Variants in RALGPS2 observed in about 807,000 individuals in gnomAD.
RALGPS2 encodes ras-specific guanine nucleotide-releasing factor RalGPS2.
Under a neutral mutation model 86.8 loss-of-function variants are expected in RALGPS2, and 43 were observed. The observed-to-expected ratio is 0.50, with a 90% confidence interval of 0.39 to 0.64. The LOEUF (loss-of-function observed/expected upper bound fraction) is 0.64, where lower values mean the gene tolerates loss of function less well. RALGPS2 is among the 30% of genes least tolerant of loss of function. The pLI is 0.00. For synonymous variants in RALGPS2, 243 were observed against 231.3 expected, an observed-to-expected ratio of 1.05 and a Z score of -0.46; for missense variants, 536 against 694.6, an observed-to-expected ratio of 0.77 and a Z score of 2.57.
At chr1:178,894,834 T>TA (rs1659871110) in intron 16 of RALGPS2, among the ~76,000 whole-genome samples, 1 of 152,032 alleles carries the variant, frequency 6.6e-6, no homozygotes, top group Admixed American at 6.6e-5. Flanking sequence ...TACTTTTTTT[T>TA]ACCCCCATTA....
At chr1:178,847,567 C>G (rs1656925963) in intron 8 of RALGPS2, among the ~76,000 whole-genome samples, 1 of 152,068 alleles carries the variant, frequency 6.6e-6, no homozygotes, top group African/African-American at 2.4e-5. Flanking sequence ...TTTTCACAGA[C>G]ACTAGAATAA....
intron 13 of RALGPS2, 118 bp from the exon 14 acceptor site, chr1:178,889,524 C>A (rs1659630741): frequency 1.4e-6 from 1 of 734,748 alleles, no homozygotes; most frequent in Non-Finnish European, 2.4e-6. Context: ...TGGATATGTT[C>A]ATCTACAATG....
intron 19 of RALGPS2, among the ~76,000 whole-genome samples, chr1:178,913,700 GTTGGGTATAGTCAA>G (rs1271268617): frequency 1.3e-5 from 2 of 152,310 alleles, no homozygotes; most frequent in Non-Finnish European, 2.9e-5. Flanking sequence ...TGTGGTATAA[GTTGGGTATAGTCAA>G]TTGGCTTCCT....
chr1:178,904,672 C>T (rs1171775067), intron 18 of RALGPS2, among the ~76,000 whole-genome samples: 2 of 151,906 alleles, frequency 1.3e-5, no homozygotes, highest in Non-Finnish European at 2.9e-5. Context: ...TTTGGGTTTA[C>T]TTCAGAGTTC....
intron 17 of RALGPS2, among the ~76,000 whole-genome samples, chr1:178,898,308 C>G (rs1660029634): frequency 6.6e-6 from 1 of 151,842 alleles, no homozygotes; most frequent in Non-Finnish European, 1.5e-5. Context: ...TTAATAAAAT[C>G]TGAGAGGAAT....
chr1:178,904,201 G>A (rs1235103616), intron 18 of RALGPS2, among the ~76,000 whole-genome samples: 3 of 151,650 alleles, frequency 2.0e-5, no homozygotes, highest in African/African-American at 7.3e-5. Flanking sequence ...GATGGGATTG[G>A]TTTTTTTCTT....
chr1:178,810,788 T>C (rs1216786436), intron 5 of RALGPS2, among the ~76,000 whole-genome samples: 1 of 152,090 alleles, frequency 6.6e-6, no homozygotes, highest in Admixed American at 6.6e-5. Flanking sequence ...TGTTGCACAA[T>C]AATTTTGAAC....
chr1:178,909,643 A>ATTTT (rs57890269), intron 19 of RALGPS2, among the ~76,000 whole-genome samples: 42 of 72,342 alleles, frequency 5.8e-4, no homozygotes, highest in Non-Finnish European at 6.6e-4. Flanking sequence ...TTCTTTTTTA[A>ATTTT]TTTTTTTTTT....
intron 2 of RALGPS2, among the ~76,000 whole-genome samples, chr1:178,779,465 C>T (rs894301161): frequency 5.9e-5 from 9 of 152,092 alleles, no homozygotes; most frequent in Admixed American, 2.0e-4. Context: ...GTTACTTAGG[C>T]CTTGATATCA....
At chr1:178,834,577 G>A (rs998336119) in intron 8 of RALGPS2, among the ~76,000 whole-genome samples, 7 of 152,186 alleles carry the variant, frequency 4.6e-5, no homozygotes, top group Non-Finnish European at 1.0e-4. Flanking sequence ...TGTGTACCTT[G>A]TGTTGAAGGC....
At chr1:178,845,267 T>A (rs539985301) in intron 8 of RALGPS2, among the ~76,000 whole-genome samples, 1 of 152,136 alleles carries the variant, frequency 6.6e-6, no homozygotes, top group Non-Finnish European at 1.5e-5. Flanking sequence ...GATCTAGATA[T>A]GACTCCTTTT....
intron 11 of RALGPS2, among the ~76,000 whole-genome samples, chr1:178,883,899 G>A (rs925023499): frequency 6.6e-6 from 1 of 152,000 alleles, no homozygotes; most frequent in African/African-American, 2.4e-5. Flanking sequence ...TGAGGCAGCA[G>A]AATGGCGTGA....
rs1294330725 is a variant in RALGPS2 at position 178,883,507 on chromosome 1, C to T, written c.878C>T (p.Ser293Phe). 1.9e-6 allele frequency: 3 copies of T among 1,613,376 alleles called. No individual in the cohort carries two copies. Among genetic ancestry groups the T allele is most frequent in the Admixed American group, 3.3e-5 (2 of 59,992 alleles). ...GAACCAGGGACAAGCACCCCACGTT[C>T]TGCTGCTTCCAGAGAAGATTTAGTA... ...KIEPGTSTPR[S>F]AASREDLVGP... Residue 293 changes from serine (S) to phenylalanine (F), a missense_variant, in exon 11 of 20, where the codon TCT becomes TTT. Around this residue, in one of 3 missense-constraint regions of RALGPS2, gnomAD observed 309 missense variants for 363.0 expected, o/e 0.85. Coordinates refer to ENST00000367635, the MANE Select transcript of RALGPS2 (RefSeq NM_152663.5).
At chr1:178,899,211 A>C (rs554412035) in intron 17 of RALGPS2, among the ~76,000 whole-genome samples, 1 of 151,944 alleles carries the variant, frequency 6.6e-6, no homozygotes, top group Non-Finnish European at 1.5e-5. Flanking sequence ...TTGCTTGTGC[A>C]TAAAGTTACT....
chr1:178,839,341 G>C (rs1036649411), intron 8 of RALGPS2, among the ~76,000 whole-genome samples: 9 of 152,210 alleles, frequency 5.9e-5, no homozygotes, highest in African/African-American at 2.4e-5. Context: ...AGGCAGAAGA[G>C]AGTGAGGGCC....
intron 8 of RALGPS2, among the ~76,000 whole-genome samples, chr1:178,843,050 T>C (rs1656671406): frequency 6.7e-6 from 1 of 149,370 alleles, no homozygotes; most frequent in Non-Finnish European, 1.5e-5. Flanking sequence ...TTTACACTGT[T>C]GGTGGGACTG....
At chr1:178,909,123 G>A (rs960929152) in intron 19 of RALGPS2, among the ~76,000 whole-genome samples, 5 of 152,112 alleles carry the variant, frequency 3.3e-5, no homozygotes, top group Non-Finnish European at 7.3e-5. Flanking sequence ...TCTGTATATG[G>A]CTATCCAGTT....
chr1:178,744,091 T>C (rs866432029), intron 1 of RALGPS2, among the ~76,000 whole-genome samples: 3 of 152,200 alleles, frequency 2.0e-5, no homozygotes, highest in South Asian at 2.1e-4. Flanking sequence ...CACATGAGCA[T>C]ACATACAAAA....
intron 7 of RALGPS2, among the ~76,000 whole-genome samples, chr1:178,828,002 G>A (rs565416749): frequency 1.3e-5 from 2 of 152,238 alleles, no homozygotes; most frequent in East Asian, 1.9e-4. Flanking sequence ...ACCTGAAACT[G>A]TAAAACTACT....
Sources: gnomAD v4.1 joint callset for allele counts (sites outside exome capture counted in the v4.1 genomes callset) on GRCh38, gnomAD v4.1.1 for gene constraint, gnomAD v4.1.1 regional missense constraint, MANE v1.5 for transcripts, NCBI Gene and HGNC (gene_info 2026-07-23, HGNC 2026-07-21) for gene names.